The following CBY1 variants were observed in gnomAD, a reference collection of about 807,000 sequenced individuals.
CBY1 encodes the protein chibby 1, beta catenin antagonist, also known as protein chibby homolog 1.
Under a neutral mutation model 15.6 loss-of-function variants are expected in CBY1, and 10 were observed. The observed-to-expected ratio is 0.64, with a 90% CI of 0.40 to 1.09. The LOEUF (loss-of-function observed/expected upper bound fraction) is 1.09. Ranked by LOEUF, CBY1 falls within the 50% of genes least tolerant of loss-of-function variation. CBY1 has a pLI of 0.01. For synonymous variants in CBY1, 61 were observed against 63.5 expected, an observed-to-expected ratio of 0.96 and a Z score of 0.19; for missense variants, 150 against 160.5, an observed-to-expected ratio of 0.93 and a Z score of 0.35.
In CBY1 at chr22:38,656,745, C is replaced by T. The variant is rs2092397442; in HGVS notation, c.-44C>T. 1.3e-5 allele frequency: 2 copies of T among 152,368 alleles called. No individual in the cohort carries two copies. The highest frequency in any genetic ancestry group is 2.9e-5 in the Non-Finnish European group (2 of 68,210). 9.4% of individuals were successfully genotyped at this position (152,368 alleles called of 1,614,324 possible). On this transcript the variant is annotated 5_prime_UTR_variant, in exon 1 of 5. Coordinates refer to ENST00000216029, the MANE Select transcript of CBY1 (RefSeq NM_015373.4). ...CGCTTGGACCCCGGCTTCTGGGACG[C>T]GTCAGGTACGTCTCCGAGTCCGGCG...
rs8140011 is a variant in CBY1 at position 38,661,991 on chromosome 22, C to T, written c.-39+5241C>T. On this transcript the variant is annotated intron_variant, in intron 1 of 4. Coordinates refer to ENST00000216029, the MANE Select transcript of CBY1 (RefSeq NM_015373.4). ...AGAAGGATTCTTTGTAAGCTGTGTG[C>T]GTGATATAAATTAAAATTGAATAAT... Among the ~76,000 whole-genome samples the T allele has an allele frequency of 7.7e-4, 117 of 151,984 alleles. 2 individuals carry two copies. The highest frequency in any genetic ancestry group is 1.5e-3 in the Non-Finnish European group (100 of 68,018).
chr22:38,664,770 T>C (rs997639053), intron 1 of CBY1, among the ~76,000 whole-genome samples: 10 of 152,180 alleles, frequency 6.6e-5, no homozygotes, highest in Non-Finnish European at 1.3e-4. Flanking sequence ...TCTATAGTTA[T>C]ACCCCTAAGT....
chr22:38,664,289 T>A (rs1329814020), intron 1 of CBY1, among the ~76,000 whole-genome samples: 1 of 151,816 alleles, frequency 6.6e-6, no homozygotes, highest in Non-Finnish European at 1.5e-5. Flanking sequence ...CTGGCCAGCA[T>A]AGCGAAACCC....
chr22:38,671,534 G>C (rs901923876), intron 4 of CBY1: 6 of 294,638 alleles, frequency 2.0e-5, no homozygotes, highest in Non-Finnish European at 4.0e-5. Context: ...TTAGATGAAG[G>C]CATTCCAGGA....
Position 38,667,474 on chromosome 22 carries a change from C to CA in CBY1, c.-38-537dup, listed in dbSNP as rs541030835. On this transcript the variant is annotated intron_variant, in intron 1 of 4. Transcript: ENST00000216029. ...CAGGCATGCGCCACTGTGTGCCACC[C>CA]AAAAAATCTTAGCATACCGCGTAGC... is the stretch of plus-strand genomic sequence containing the variant. The CA allele has an allele frequency of 4.4e-3, 666 of 152,540 alleles. 5 individuals carry two copies. The highest frequency in any genetic ancestry group is 6.8e-3 in the Middle Eastern group (2 of 296). 9.4% of individuals were successfully genotyped at this position (152,540 alleles called of 1,614,324 possible). A position where few individuals can be genotyped will look rare whatever the true frequency, so the allele number is the denominator to read the frequency against.
At chr22:38,670,350 G>C (rs1299964766) in intron 2 of CBY1, 1 of 150,720 alleles carries the variant, frequency 6.6e-6, no homozygotes, top group Non-Finnish European at 1.5e-5. Flanking sequence ...AACTGAGATC[G>C]CACCACTGTA....
At chr22:38,661,335 G>A (rs974114355) in intron 1 of CBY1, among the ~76,000 whole-genome samples, 5 of 152,036 alleles carry the variant, frequency 3.3e-5, no homozygotes, top group African/African-American at 9.7e-5. Context: ...CACCACTCCC[G>A]GCTAATTTTT....
At chr22:38,664,009 G>C (rs2092429398) in intron 1 of CBY1, among the ~76,000 whole-genome samples, 1 of 149,764 alleles carries the variant, frequency 6.7e-6, no homozygotes, top group Admixed American at 6.7e-5. Flanking sequence ...GTGACAGAGC[G>C]AGACTGTGTT....
At chr22:38,673,108 A>G in intron 4 of CBY1, 51 bp from the exon 5 acceptor site, 1 of 1,379,822 alleles carries the variant, frequency 7.2e-7, no homozygotes, top group Non-Finnish European at 1.0e-6. Flanking sequence ...GCTAACCCGA[A>G]ACATTTCCTA....
At chr22:38,667,043 C>T (rs1900485231) in intron 1 of CBY1, among the ~76,000 whole-genome samples, 1 of 150,802 alleles carries the variant, frequency 6.6e-6, no homozygotes, top group African/African-American at 2.4e-5. Context: ...CAGGGTAATG[C>T]TCTTTGACTC....
intron 4 of CBY1, among the ~76,000 whole-genome samples, chr22:38,672,033 G>A (rs952505446): frequency 6.6e-6 from 1 of 151,816 alleles, no homozygotes; most frequent in Non-Finnish European, 1.5e-5. Flanking sequence ...GGAGGCCAAG[G>A]TGGACGGGTC....
intron 1 of CBY1, among the ~76,000 whole-genome samples, chr22:38,664,203 G>A (rs1199467702): frequency 6.6e-6 from 1 of 151,950 alleles, no homozygotes; most frequent in Non-Finnish European, 1.5e-5. Flanking sequence ...TGGGCGCGGT[G>A]GCTCATGCCT....
At chr22:38,665,155 T>A (rs2092432547) in intron 1 of CBY1, among the ~76,000 whole-genome samples, 1 of 152,150 alleles carries the variant, frequency 6.6e-6, no homozygotes, top group African/African-American at 2.4e-5. Flanking sequence ...AGCAGCACTA[T>A]TTTTGGTGGT....
At chr22:38,669,246 C>G (rs2092445773) in intron 2 of CBY1, among the ~76,000 whole-genome samples, 1 of 152,086 alleles carries the variant, frequency 6.6e-6, no homozygotes, top group Admixed American at 6.5e-5. Flanking sequence ...ACAAATGACC[C>G]TTGGTGGCCT....
chr22:38,669,020 C>T (rs907630698), intron 2 of CBY1, among the ~76,000 whole-genome samples: 1 of 152,188 alleles, frequency 6.6e-6, no homozygotes, highest in Non-Finnish European at 1.5e-5. Flanking sequence ...ATCCTCTGTC[C>T]TAATCCCACA....
At chr22:38,663,265 G>T (rs2092426750) in intron 1 of CBY1, among the ~76,000 whole-genome samples, 1 of 151,654 alleles carries the variant, frequency 6.6e-6, no homozygotes, top group Non-Finnish European at 1.5e-5. Context: ...GACCATCCTG[G>T]CCAACATGGT....
chr22:38,668,676 C>T (rs5995610), intron 2 of CBY1: 44,780 of 152,894 alleles, frequency 0.29, 6,651 homozygotes, highest in East Asian at 0.36. Flanking sequence ...CAGCCAGTAT[C>T]ATCCAATTTG....
At chr22:38,669,309 G>A (rs779114154) in intron 2 of CBY1, among the ~76,000 whole-genome samples, 27 of 152,080 alleles carry the variant, frequency 1.8e-4, no homozygotes, top group Non-Finnish European at 3.8e-4. Context: ...TGCTGCAGCC[G>A]CCCAAGCCCC....
Position 38,672,711 on chromosome 22 carries a change from C to T in CBY1, c.304-448C>T, listed in dbSNP as rs536347128. ...CCCAGCCTGGCCGACAGAGCGAGAC[C>T]GTGTCTCAGAAAACAAACAAACCAA... On this transcript the variant is annotated intron_variant, in intron 4 of 4. Transcript: ENST00000216029. Among the ~76,000 whole-genome samples the T allele has an allele frequency of 5.3e-5, 8 of 152,132 alleles. No individual in the cohort carries two copies. The East Asian group carries it at 7.7e-4, about 15-fold the overall frequency.
Sources: gnomAD v4.1 joint callset for allele counts (sites outside exome capture counted in the v4.1 genomes callset) on GRCh38, gnomAD v4.1.1 for gene constraint, MANE v1.5 for transcripts, NCBI Gene and HGNC (gene_info 2026-07-23, HGNC 2026-07-21) for gene names.